Variants in POLI observed in about 807,000 individuals in gnomAD.
POLI encodes the protein DNA polymerase iota.
A neutral mutation model predicts 51.6 loss-of-function variants in POLI; 58 were observed. The ratio of observed to expected loss-of-function variants is 1.12; its 90% CI spans 0.91 to 1.40. The LOEUF (loss-of-function observed/expected upper bound fraction) is 1.40, where lower values mean the gene tolerates loss of function less well. Among genes scored for constraint, POLI ranks in the 40% most tolerant of loss-of-function variants. The pLI is 0.00. For missense variants in POLI, 921 were observed against 871.3 expected (o/e 1.06, Z -0.72); for synonymous variants, 322 against 299.7 (o/e 1.07, Z -0.77).
downstream of POLI, among the ~76,000 whole-genome samples, chr18:54,300,901 A>G (rs770975122): frequency 5.3e-5 from 8 of 152,208 alleles, no homozygotes; most frequent in Admixed American, 2.0e-4. Flanking sequence ...GGAGAATGCA[A>G]TAGTCCTAAA....
chr18:54,312,595 T>G (rs2062025069), intron 3 of POLI, among the ~76,000 whole-genome samples: 2 of 152,346 alleles, frequency 1.3e-5, no homozygotes, highest in South Asian at 4.1e-4. Context: ...GTATTCCCTT[T>G]TCTCTGTAGC....
Position 54,293,717 on chromosome 18 carries a change from T to G in POLI, c.1473T>G (p.Ser491Arg). ...AAACAAACCGGGATTTCCTACCAAGTGGAAGAATTGAAAGTACAAGAACTA... is the reference window on the plus strand; with the variant it reads ...AAACAAACCGGGATTTCCTACCAAGGGGAAGAATTGAAAGTACAAGAACTA... ...DKETNRDFLP[S>R]GRIESTRTRE... The change falls in exon 10 of 10, where the codon AGT (serine) becomes AGG (arginine). Residue 491 changes from serine to arginine, a missense_variant. By Grantham distance (110) the Ser-to-Arg change is moderately radical. Coordinates refer to ENST00000579534, the MANE Select transcript of POLI (RefSeq NM_007195.3). The G allele has an allele frequency of 6.2e-7, 1 of 1,600,676 alleles. No individual in the cohort carries two copies. Among genetic ancestry groups the G allele is most frequent in the Non-Finnish European group, 8.5e-7 (1 of 1,174,674 alleles).
chr18:54,275,721 T>C (rs2087211555), intron 3 of POLI, among the ~76,000 whole-genome samples: 2 of 152,218 alleles, frequency 1.3e-5, no homozygotes, highest in Admixed American at 6.5e-5. Context: ...CATTTATGTA[T>C]TTTTTTCTGT....
intron 3 of POLI, among the ~76,000 whole-genome samples, chr18:54,312,896 T>TA (rs2088686780): frequency 6.6e-6 from 1 of 152,324 alleles, no homozygotes; most frequent in East Asian, 1.9e-4. Context: ...TCCCATTCTG[T>TA]AGCTTGTCTG....
At chr18:54,315,792 T>G (rs774132209) in intron 3 of POLI, among the ~76,000 whole-genome samples, 1 of 152,218 alleles carries the variant, frequency 6.6e-6, no homozygotes, top group Non-Finnish European at 1.5e-5. Context: ...TTTTTTGTTT[T>G]CCATTTGCAT....
chr18:54,291,973 G>A lies in POLI; in HGVS notation c.1339G>A (p.Gly447Arg), dbSNP rs759460946. 13 of 1,611,562 alleles carry A rather than the reference G, an allele frequency of 8.1e-6. No homozygotes were observed. The South Asian group carries it at 1.3e-4, about 16-fold the overall frequency. The change falls in exon 9 of 10, where the codon GGG (glycine) becomes AGG (arginine). Residue 447 changes from glycine to arginine, a missense_variant. Transcript: ENST00000579534. Reference protein sequence around the residue: ...NLKALNTAKKGLIDYYLMPSL... With the variant: ...NLKALNTAKKRLIDYYLMPSL... ...TAAAGCACTAAATACTGCTAAGAAA[G>A]GGCTTATTGATTATTATTTAATGCC...
chr18:54,294,021 C>T lies in POLI; in HGVS notation c.1777C>T (p.Gln593Ter). 2 of 1,613,536 alleles carry T rather than the reference C, an allele frequency of 1.2e-6. No individual in the cohort carries two copies. The highest frequency in any genetic ancestry group is 1.7e-6 in the Non-Finnish European group (2 of 1,179,628). ...TAGAGATCATTTATCCAGTAGCAAA[C>T]AGGTATCCTCTGTATCTCCTTGTGA... The part of the protein sequence containing the change: ...NPRDHLSSSK[Q>*]VSSVSPCEPG... Residue 593 changes from glutamine (Q) to a stop codon, truncating the protein, a stop_gained, in exon 10 of 10, where the codon CAG becomes TAG. Coordinates refer to ENST00000579534, the MANE Select transcript of POLI (RefSeq NM_007195.3). LOFTEE classifies it low-confidence loss of function (END_TRUNC).
chr18:54,289,757 G>A (rs879450856), intron 8 of POLI, among the ~76,000 whole-genome samples: 7 of 152,214 alleles, frequency 4.6e-5, no homozygotes, highest in South Asian at 2.1e-4. Flanking sequence ...AATGGTGCTA[G>A]GAAAACTGGC....
In POLI at chr18:54,297,145, GT is replaced by G; in HGVS notation, c.*2682del. 1.0e-6 allele frequency: 1 copy of G among 985,402 alleles called. No homozygotes were observed. The highest frequency in any genetic ancestry group is 1.7e-5 in the African/African-American group (1 of 57,336). The allele number at this position is 985,402 out of a possible 1,614,324, so 61.0% of individuals were successfully genotyped here. A position where few individuals can be genotyped will look rare whatever the true frequency, so the allele number is the denominator to read the frequency against. ...CCCTGACCCTTACTACTAGCCGAAGGTTTTGTCTCTGCAGGTCAATTCCAAA... is the reference window on the plus strand; with the variant it reads ...CCCTGACCCTTACTACTAGCCGAAGGTTTGTCTCTGCAGGTCAATTCCAAA... On this transcript the variant is annotated 3_prime_UTR_variant, in exon 10 of 10. Transcript: ENST00000579534.
At chr18:54,278,139 C>T (rs1320085445) in intron 4 of POLI, among the ~76,000 whole-genome samples, 2 of 152,158 alleles carry the variant, frequency 1.3e-5, no homozygotes, top group Non-Finnish European at 2.9e-5. Flanking sequence ...GAGTTTTCGT[C>T]TGACACAGTG....
At chr18:54,299,501 A>C (rs187446557), downstream of POLI, among the ~76,000 whole-genome samples, 1 of 152,224 alleles carries the variant, frequency 6.6e-6, no homozygotes, top group Non-Finnish European at 1.5e-5. Context: ...ATCATACTGC[A>C]TATCAGTCAC....
At chr18:54,316,412 G>A (rs1011433229) in intron 3 of POLI, among the ~76,000 whole-genome samples, 2 of 152,126 alleles carry the variant, frequency 1.3e-5, no homozygotes, top group African/African-American at 2.4e-5. Flanking sequence ...AAAGAAAAAT[G>A]TTGATATAAT....
Position 54,295,035 on chromosome 18 carries a change from A to C in POLI, c.*568A>C, listed in dbSNP as rs2088247368. On this transcript the variant is annotated 3_prime_UTR_variant, in exon 10 of 10. Coordinates refer to ENST00000579534, the MANE Select transcript of POLI (RefSeq NM_007195.3). ...AATCTACCACAATACACAGCACACA[A>C]AGGCCGTTCAATAAACATTGAATGA... The C allele has an allele frequency of 1.0e-6, 1 of 985,158 alleles. No homozygotes were observed. 61.0% of individuals were successfully genotyped at this position (985,158 alleles called of 1,614,324 possible).
In POLI at chr18:54,297,199, G is replaced by A. The variant is rs1320114319; in HGVS notation, c.*2732G>A. ...AACAGGCAGATGCTGTTAGCTATCT[G>A]CCTCCAGGGATAAACCCCATCTTTC... On this transcript the variant is annotated 3_prime_UTR_variant, in exon 10 of 10. Transcript: ENST00000579534. The A allele has an allele frequency of 1.0e-6, 1 of 984,976 alleles. No individual in the cohort carries two copies. The highest frequency in any genetic ancestry group is 1.1e-4 in the East Asian group (1 of 8,804). 61.0% of individuals were successfully genotyped at this position (984,976 alleles called of 1,614,324 possible). A position where few individuals can be genotyped will look rare whatever the true frequency, so the allele number is the denominator to read the frequency against.
intron 7 of POLI, among the ~76,000 whole-genome samples, chr18:54,285,842 A>G (rs564304876): frequency 1.3e-5 from 2 of 152,162 alleles, no homozygotes; most frequent in Non-Finnish European, 2.9e-5. Flanking sequence ...GCAGTAAGAG[A>G]TAGAAAAAAT....
chr18:54,294,266 A>G lies in POLI; in HGVS notation c.2022A>G (p.Thr674=). ...AACTTTTCTCCAGAAACCACACTAC[A>G]GATAGCCATAAGCAAACAGTAGCAA... ...SEQLFSRNHT[T]DSHKQTVATD... is the part of the protein sequence containing the mutation. Residue 674 remains threonine, a synonymous_variant, in exon 10 of 10, where the codon ACA becomes ACG. Transcript: ENST00000579534. The G allele has an allele frequency of 1.2e-6, 2 of 1,613,758 alleles. No individual in the cohort carries two copies. The highest frequency in any genetic ancestry group is 1.7e-6 in the Non-Finnish European group (2 of 1,179,706).
intron 7 of POLI, 83 bp from the exon 8 acceptor site, chr18:54,287,198 A>AG: frequency 8.3e-6 from 8 of 968,718 alleles, no homozygotes; most frequent in Non-Finnish European, 1.2e-5. Context: ...AAAATCTGGC[A>AG]CCTTTAGATA....
At position 54,296,218 on chromosome 18, in the gene POLI, G is replaced by A. The variant is rs1357448401; in HGVS notation, c.*1751G>A. 1 of 985,236 alleles carries A rather than the reference G, an allele frequency of 1.0e-6. No individual in the cohort carries two copies. Among genetic ancestry groups the A allele is most frequent in the Non-Finnish European group, 1.2e-6 (1 of 829,892 alleles). The allele number at this position is 985,236 out of a possible 1,614,324, so 61.0% of individuals were successfully genotyped here. A position where few individuals can be genotyped will look rare whatever the true frequency, so the allele number is the denominator to read the frequency against. On this transcript the variant is annotated 3_prime_UTR_variant, in exon 10 of 10. Transcript: ENST00000579534. ...ATTTCAGGACCTTGGACAGCTAGAA[G>A]GGGCTTAAGAAAAAATGGCTAAGAA...
intron 3 of POLI, among the ~76,000 whole-genome samples, 180 bp downstream of exon 3, chr18:54,274,270 A>G (rs1190970499): frequency 6.6e-6 from 1 of 152,120 alleles, no homozygotes; most frequent in African/African-American, 2.4e-5. Flanking sequence ...TGCTATGAAT[A>G]GTATTTTTAA....
Sources: gnomAD v4.1 joint callset for allele counts (sites outside exome capture counted in the v4.1 genomes callset) on GRCh38, gnomAD v4.1.1 for gene constraint, MANE v1.5 for transcripts, NCBI Gene and HGNC (gene_info 2026-07-23, HGNC 2026-07-21) for gene names.